The following SPECC1L variants were observed in gnomAD, a reference collection of about 807,000 sequenced individuals.
The protein encoded by SPECC1L is sperm antigen with calponin homology and coiled-coil domains 1 like, also known as cytospin-A.
A neutral mutation model predicts 116.8 loss-of-function variants in SPECC1L; 40 were observed. The ratio of observed to expected loss-of-function variants is 0.34; its 90% confidence interval spans 0.27 to 0.45. The LOEUF is 0.45. Among genes scored for constraint, SPECC1L ranks in the 20% least tolerant of loss-of-function variants. The pLI is 1.00. For synonymous variants in SPECC1L, 504 were observed against 500.6 expected, an observed-to-expected ratio of 1.01 and a Z score of -0.09; for missense variants, 1,110 against 1,373.6, an observed-to-expected ratio of 0.81 and a Z score of 3.03.
chr22:24,332,872 T>C (rs1432845857), intron 8 of SPECC1L, among the ~76,000 whole-genome samples: 1 of 152,194 alleles, frequency 6.6e-6, no homozygotes, highest in African/African-American at 2.4e-5. Context: ...TACTCATTTT[T>C]AGGAGTAGAA....
chr22:24,406,621 C>CT (rs2042596310), intron 14 of SPECC1L, among the ~76,000 whole-genome samples: 1 of 152,168 alleles, frequency 6.6e-6, no homozygotes, highest in African/African-American at 2.4e-5. Context: ...TCACTGGGTG[C>CT]TGGTCACACC....
chr22:24,294,897 G>A (rs1457105595), intron 2 of SPECC1L, among the ~76,000 whole-genome samples: 1 of 152,184 alleles, frequency 6.6e-6, no homozygotes, highest in Non-Finnish European at 1.5e-5. Flanking sequence ...TGCACGTAGA[G>A]TTTCCTGTAA....
At chr22:24,365,196 C>G (rs531563371) in intron 12 of SPECC1L, among the ~76,000 whole-genome samples, 126 of 152,120 alleles carry the variant, frequency 8.3e-4, no homozygotes, top group Non-Finnish European at 1.5e-3. Flanking sequence ...TTAGTAGAGA[C>G]AGGATTTCAC....
At chr22:24,377,930 C>T (rs576999170) in intron 14 of SPECC1L, among the ~76,000 whole-genome samples, 1 of 152,310 alleles carries the variant, frequency 6.6e-6, no homozygotes, top group South Asian at 2.1e-4. Context: ...CATTGGCTTC[C>T]ACTTAAAGTC....
chr22:24,392,573 T>C (rs529751891), intron 14 of SPECC1L, among the ~76,000 whole-genome samples: 38 of 152,358 alleles, frequency 2.5e-4, no homozygotes, highest in African/African-American at 8.7e-4. Context: ...TTTGTAAAGA[T>C]GCCCTGTTGC....
chr22:24,283,235 T>C (rs5751836), intron 2 of SPECC1L, among the ~76,000 whole-genome samples: 6,876 of 152,012 alleles, frequency 0.045, 349 homozygotes, highest in South Asian at 0.14. Context: ...CTGGCCACCA[T>C]GCCCGGCTAA....
intron 10 of SPECC1L, among the ~76,000 whole-genome samples, chr22:24,346,081 A>G (rs1278024612): frequency 2.0e-5 from 3 of 150,386 alleles, no homozygotes; most frequent in African/African-American, 4.9e-5. Flanking sequence ...ATCTCGGCTC[A>G]CTGCAACCTC....
At chr22:24,353,352 A>G (rs535884224) in intron 11 of SPECC1L, among the ~76,000 whole-genome samples, 16 of 152,180 alleles carry the variant, frequency 1.1e-4, no homozygotes, top group African/African-American at 3.9e-4. Context: ...AATACTTGTC[A>G]GTTATTTTGC....
At chr22:24,317,760 T>C (rs1268618388) in intron 4 of SPECC1L, among the ~76,000 whole-genome samples, 6 of 136,670 alleles carry the variant, frequency 4.4e-5, no homozygotes, top group African/African-American at 1.1e-4. Flanking sequence ...TCCTCACTTC[T>C]CAGACGGGGC....
chr22:24,317,953 C>T (rs1258217670), intron 4 of SPECC1L, among the ~76,000 whole-genome samples: 1 of 151,722 alleles, frequency 6.6e-6, no homozygotes, highest in Non-Finnish European at 1.5e-5. Context: ...TCCTCACTTC[C>T]TAGATGGGAT....
chr22:24,314,153 T>G (rs1266038348), intron 4 of SPECC1L, among the ~76,000 whole-genome samples: 5 of 152,158 alleles, frequency 3.3e-5, no homozygotes, highest in Non-Finnish European at 7.4e-5. Context: ...GATGCCATTC[T>G]CCTGCCTCAG....
At chr22:24,359,874 C>G (rs993061295) in intron 11 of SPECC1L, among the ~76,000 whole-genome samples, 3 of 152,180 alleles carry the variant, frequency 2.0e-5, no homozygotes, top group African/African-American at 7.2e-5. Context: ...CCCTCAAGAC[C>G]AGGTCACATT....
chr22:24,293,625 C>T (rs2049200308), intron 2 of SPECC1L, among the ~76,000 whole-genome samples: 3 of 151,108 alleles, frequency 2.0e-5, no homozygotes, highest in Non-Finnish European at 2.9e-5. Context: ...GTTTCTAGAT[C>T]GAGGGAAATA....
chr22:24,294,132 A>G (rs1458212589), intron 2 of SPECC1L, among the ~76,000 whole-genome samples: 1 of 75,740 alleles, frequency 1.3e-5, no homozygotes, highest in African/African-American at 5.6e-5. Context: ...TATTCTAGCC[A>G]AGTCATTAGA....
chr22:24,318,513 AAG>A (rs376860944), intron 4 of SPECC1L, among the ~76,000 whole-genome samples: 5 of 152,006 alleles, frequency 3.3e-5, no homozygotes, highest in African/African-American at 9.7e-5. Context: ...AGACCGTGGA[AAG>A]AGGGGAGAGG....
chr22:24,367,036 A>T (rs2041782417), intron 13 of SPECC1L, among the ~76,000 whole-genome samples: 2 of 152,190 alleles, frequency 1.3e-5, no homozygotes, highest in African/African-American at 4.8e-5. Flanking sequence ...TGTACTAAAA[A>T]TACAAAAATT....
Position 24,282,889 on chromosome 22 carries a change from T to G in SPECC1L, c.-38+6086T>G, listed in dbSNP as rs764965229. ...GCCTCCTGGGTGCAAGCAATTCTCC[T>G]GCCGTAGCCTCCCAAATAGCTGTGA... On this transcript the variant is annotated intron_variant, in intron 2 of 16. Coordinates refer to ENST00000314328, the MANE Select transcript of SPECC1L (RefSeq NM_015330.6). Among the ~76,000 whole-genome samples the G allele has an allele frequency of 1.3e-4, 19 of 151,938 alleles. No homozygotes were observed. In the Middle Eastern group the frequency reaches 0.01, roughly 82 times the overall value.
chr22:24,410,528 C>G (rs186613306), intron 14 of SPECC1L, among the ~76,000 whole-genome samples: 2 of 152,372 alleles, frequency 1.3e-5, no homozygotes, highest in Non-Finnish European at 1.5e-5. Flanking sequence ...ACACCAGACA[C>G]TAAAAAGACC....
chr22:24,398,606 A>G (rs1282897174), intron 14 of SPECC1L, among the ~76,000 whole-genome samples: 2 of 152,206 alleles, frequency 1.3e-5, no homozygotes, highest in Non-Finnish European at 2.9e-5. Context: ...TTCTCAGAGA[A>G]GGCTTCTGAA....
Sources: gnomAD v4.1 joint callset for allele counts (sites outside exome capture counted in the v4.1 genomes callset) on GRCh38, gnomAD v4.1.1 for gene constraint, MANE v1.5 for transcripts, NCBI Gene and HGNC (gene_info 2026-07-23, HGNC 2026-07-21) for gene names.